SAMMSON: variants seen among roughly 807,000 people sequenced by gnomAD.
SAMMSON encodes survival associated mitochondrial melanoma specific oncogenic non-coding RNA, also known as long intergenic non-protein coding RNA 1212.
chr3:70,317,509 G>C (rs1490912477), intron 7 of SAMMSON, among the ~76,000 whole-genome samples: 2 of 151,472 alleles, frequency 1.3e-5, no homozygotes, highest in African/African-American at 4.8e-5. Flanking sequence ...CCAAAAAATA[G>C]GTGTGACTTA....
At chr3:70,219,642 G>C (rs1701444503) in intron 4 of SAMMSON, among the ~76,000 whole-genome samples, 2 of 152,284 alleles carry the variant, frequency 1.3e-5, no homozygotes, top group South Asian at 4.1e-4. Flanking sequence ...TGAACCAAGA[G>C]AGATACTGAA....
intron 7 of SAMMSON, among the ~76,000 whole-genome samples, chr3:70,312,946 C>T (rs1702467908): frequency 6.6e-6 from 1 of 152,098 alleles, no homozygotes; most frequent in Admixed American, 6.5e-5. Context: ...GAAAAATATA[C>T]ACAGGCTATT....
intron 6 of SAMMSON, among the ~76,000 whole-genome samples, chr3:70,286,908 G>C (rs1046048124): frequency 3.3e-5 from 5 of 151,786 alleles, no homozygotes; most frequent in African/African-American, 1.2e-4. Flanking sequence ...CATTGATTTT[G>C]TATCCTGAGA....
At chr3:70,234,928 C>T (rs143813366) in intron 4 of SAMMSON, among the ~76,000 whole-genome samples, 28 of 152,252 alleles carry the variant, frequency 1.8e-4, no homozygotes, top group African/African-American at 5.1e-4. Context: ...AGAAACCTCA[C>T]GGTTTCCTGA....
chr3:70,127,036 T>TC (rs1451358288), intron 4 of SAMMSON: 1 of 152,426 alleles, frequency 6.6e-6, no homozygotes, highest in Non-Finnish European at 1.5e-5. Context: ...TTTAATCAAA[T>TC]AAAATTAAGT....
chr3:70,259,336 T>C (rs1481784943), intron 6 of SAMMSON, among the ~76,000 whole-genome samples: 1 of 152,082 alleles, frequency 6.6e-6, no homozygotes, highest in East Asian at 1.9e-4. Context: ...CTCCAGCTCT[T>C]TAGAGGATCT....
chr3:70,230,352 A>AT (rs945783331), intron 4 of SAMMSON, among the ~76,000 whole-genome samples: 1 of 152,126 alleles, frequency 6.6e-6, no homozygotes, highest in Non-Finnish European at 1.5e-5. Context: ...AGCAATAGAA[A>AT]TTTTTTTCAC....
chr3:70,105,387 T>A (rs1218270341), intron 4 of SAMMSON, among the ~76,000 whole-genome samples: 1 of 152,160 alleles, frequency 6.6e-6, no homozygotes, highest in African/African-American at 2.4e-5. Flanking sequence ...AGTTTATATA[T>A]CAGTACTTTT....
At chr3:70,065,258 A>G (rs935226885) in intron 3 of SAMMSON, 1 of 152,122 alleles carries the variant, frequency 6.6e-6, no homozygotes, top group African/African-American at 2.4e-5. Context: ...TGCAGGCCGT[A>G]TTATGCTAAA....
At chr3:70,032,553 C>G (rs2067070028) in intron 3 of SAMMSON, among the ~76,000 whole-genome samples, 2 of 152,138 alleles carry the variant, frequency 1.3e-5, no homozygotes, top group African/African-American at 2.4e-5. Flanking sequence ...AGTATTTGGT[C>G]ATATATTTGA....
intron 2 of SAMMSON, among the ~76,000 whole-genome samples, chr3:70,433,663 T>C (rs1030476032): frequency 6.6e-6 from 1 of 152,154 alleles, no homozygotes; most frequent in Non-Finnish European, 1.5e-5. Flanking sequence ...TAATGAAGTA[T>C]AATGTATCAG....
At chr3:70,217,345 A>G (rs1199395438) in intron 4 of SAMMSON, among the ~76,000 whole-genome samples, 2 of 152,118 alleles carry the variant, frequency 1.3e-5, no homozygotes, top group African/African-American at 2.4e-5. Context: ...ATTTTAAAAT[A>G]TTTATTGATT....
intron 6 of SAMMSON, among the ~76,000 whole-genome samples, chr3:70,282,953 A>T (rs919072647): frequency 2.0e-5 from 3 of 152,196 alleles, no homozygotes; most frequent in Non-Finnish European, 4.4e-5. Context: ...ATAACCATTG[A>T]GTGTCCAGGC....
At chr3:70,399,975 G>T (rs575345826) in intron 2 of SAMMSON, among the ~76,000 whole-genome samples, 2 of 148,842 alleles carry the variant, frequency 1.3e-5, no homozygotes, top group South Asian at 4.2e-4. Flanking sequence ...TCTAATATGG[G>T]GTAGATTTTT....
At chr3:70,358,056 A>G (rs1575632949) in intron 8 of SAMMSON, among the ~76,000 whole-genome samples, 2 of 152,160 alleles carry the variant, frequency 1.3e-5, no homozygotes, top group Non-Finnish European at 2.9e-5. Context: ...CCAAGAAATG[A>G]CTGTTAAATT....
chr3:70,214,858 C>T (rs1012575333), intron 4 of SAMMSON, among the ~76,000 whole-genome samples: 3 of 151,788 alleles, frequency 2.0e-5, no homozygotes, highest in Non-Finnish European at 2.9e-5. Flanking sequence ...AAAAGTGTCT[C>T]AAGAAATAAA....
intron 2 of SAMMSON, among the ~76,000 whole-genome samples, chr3:70,402,897 A>G (rs959018281): frequency 6.6e-6 from 1 of 151,962 alleles, no homozygotes; most frequent in Non-Finnish European, 1.5e-5. Context: ...GTATATATAT[A>G]TCTCTCTCTA....
chr3:70,382,683 A>G (rs1703081916), intron 9 of SAMMSON, among the ~76,000 whole-genome samples: 1 of 151,358 alleles, frequency 6.6e-6, no homozygotes. Flanking sequence ...GTTTAAAATG[A>G]GAGATTGAGA....
At chr3:70,415,708 C>A (rs1435582949) in intron 2 of SAMMSON, among the ~76,000 whole-genome samples, 1 of 152,102 alleles carries the variant, frequency 6.6e-6, no homozygotes. Flanking sequence ...TTTTTAGATG[C>A]TCCTTTTGAG....
Sources: gnomAD v4.1 joint callset for allele counts (sites outside exome capture counted in the v4.1 genomes callset) on GRCh38, gnomAD v4.1.1 for gene constraint, MANE v1.5 for transcripts, NCBI Gene and HGNC (gene_info 2026-07-23, HGNC 2026-07-21) for gene names.